Variants in ACTL6B observed in about 807,000 individuals in gnomAD.
ACTL6B encodes the protein actin-like protein 6B.
In ACTL6B, 48 loss-of-function variants were observed where a neutral mutation model predicts 63.3. The observed-to-expected ratio is 0.76, with a 90% CI of 0.60 to 0.96. ACTL6B has a LOEUF of 0.96. Among genes scored for constraint, ACTL6B ranks in the 50% least tolerant of loss-of-function variants. The pLI is 0.00. For synonymous variants in ACTL6B, 230 were observed against 223.8 expected, an observed-to-expected ratio of 1.03 and a Z score of -0.25; for missense variants, 350 against 572.2, an observed-to-expected ratio of 0.61 and a Z score of 3.96.
rs1443443394 is a variant in ACTL6B, at chr7:100,646,503, T to A, written c.1113+48A>T. On this transcript the variant is annotated intron_variant, in intron 12 of 13. Transcript: ENST00000160382. The surrounding 1 kb of genome is among the most constrained non-coding windows in gnomAD (Gnocchi z 6.1). The stretch of plus-strand genomic sequence containing the variant: ...ATGAAGGGACTCAGTCCTGGACAGC[T>A]GAGCCAGGACGGGTGTCCAGGGCTC... 1 of 1,593,248 alleles carries A rather than the reference T, an allele frequency of 6.3e-7. No individual in the cohort carries two copies. Among genetic ancestry groups the A allele is most frequent in the Non-Finnish European group, 8.6e-7 (1 of 1,161,310 alleles).
In ACTL6B at chr7:100,650,126, G is replaced by C. The variant is rs775223343; in HGVS notation, c.379C>G (p.Arg127Gly). 2 of 1,613,558 alleles carry C rather than the reference G, an allele frequency of 1.2e-6. No individual in the cohort carries two copies. Residue 127 changes from arginine (R) to glycine (G), a missense_variant, in exon 5 of 14, where the codon CGG becomes GGG. Physicochemically the swap from Arg to Gly is moderately radical, Grantham distance 125. Around this residue, in one of 3 missense-constraint regions of ACTL6B, gnomAD observed 250 missense variants for 364.7 expected, o/e 0.69. Transcript: ENST00000160382. ...TCTGTCAGCTTCTCCCGCTTGGCCCGTGTGTTCCACTGTGGAGAAAGTGCA... is the reference window on the plus strand; with the variant it reads ...TCTGTCAGCTTCTCCCGCTTGGCCCCTGTGTTCCACTGTGGAGAAAGTGCA... ...VLMSEAPWNT[R>G]AKREKLTELM...
chr7:100,656,223 C>T (rs1584472098), intron 1 of ACTL6B, 107 bp downstream of exon 1: 3 of 1,270,976 alleles, frequency 2.4e-6, no homozygotes, highest in Non-Finnish European at 3.0e-6. Flanking sequence ...TGAGACTCGA[C>T]CCGCTCGTGC....
intron 13 of ACTL6B, among the ~76,000 whole-genome samples, chr7:100,645,559 C>T (rs1358395487): frequency 6.6e-6 from 1 of 152,184 alleles, no homozygotes; most frequent in Non-Finnish European, 1.5e-5. Context: ...GGTCTCCCCT[C>T]TGCTGACTGA....
At chr7:100,644,567 C>G (rs1360581094) in intron 13 of ACTL6B, among the ~76,000 whole-genome samples, 1 of 152,160 alleles carries the variant, frequency 6.6e-6, no homozygotes, top group Non-Finnish European at 1.5e-5. Context: ...CCAACCTTGG[C>G]CTCCCAAGTA....
rs773907366 is a variant in ACTL6B at position 100,649,994 on chromosome 7, C to T, written c.467+44G>A. The T allele has an allele frequency of 3.2e-6, 5 of 1,581,460 alleles. No homozygotes were observed. The East Asian group carries it at 1.1e-4, about 36-fold the overall frequency. On this transcript the variant is annotated intron_variant, in intron 5 of 13. Transcript: ENST00000160382. ...ACAGCTGAGCTCAGCACAGGCCCCA[C>T]CCCAGCCCTCCACCCAGTCAGAGCA... is the stretch of plus-strand genomic sequence containing the variant.
In ACTL6B at chr7:100,654,935, T is replaced by G. The variant is rs1272079763; in HGVS notation, c.369+84A>C. On this transcript the variant is annotated intron_variant, in intron 4 of 13. Coordinates refer to ENST00000160382, the MANE Select transcript of ACTL6B (RefSeq NM_016188.5). Reference sequence around the variant, plus strand: ...AGGGAAGTGGCTCAGAGCAGTGGCTTGAGGGGAGAGGAGGAGAGGTGGATG... The same window carrying G: ...AGGGAAGTGGCTCAGAGCAGTGGCTGGAGGGGAGAGGAGGAGAGGTGGATG... 3.4e-6 allele frequency: 4 copies of G among 1,179,224 alleles called. No homozygotes were observed. The Admixed American group carries it at 5.9e-5, about 17-fold the overall frequency. The allele number at this position is 1,179,224 out of a possible 1,614,324, so 73.0% of individuals were successfully genotyped here. A position where few individuals can be genotyped will look rare whatever the true frequency, so the allele number is the denominator to read the frequency against.
chr7:100,646,764 A>T lies in ACTL6B; in HGVS notation c.1004T>A (p.Ile335Asn). Residue 335 changes from isoleucine to asparagine, a missense_variant, in exon 11 of 14, where the codon ATT becomes AAT. Physicochemically the swap from Ile to Asn is moderately radical, Grantham distance 149 (BLOSUM62 -3). Around this residue, in one of 3 missense-constraint regions of ACTL6B, gnomAD observed 76 missense variants for 126.1 expected, o/e 0.60. Coordinates refer to ENST00000160382, the MANE Select transcript of ACTL6B (RefSeq NM_016188.5). This position sits in a 1 kb window ranked among gnomAD's most constrained non-coding sequence, Gnocchi z 6.1. ...VVTTSIGMCD[I>N]DIRPGLYGSV... is the part of the protein sequence containing the mutation. ...GCCTGGCCTCACCGGGCGAATATCA[A>T]TGTCACACATGCCGATGCTGGTGGT... 6.2e-7 allele frequency: 1 copy of T among 1,613,676 alleles called. No homozygotes were observed. Among genetic ancestry groups the T allele is most frequent in the Non-Finnish European group, 8.5e-7 (1 of 1,179,986 alleles).
rs777213917 is a variant in ACTL6B, at chr7:100,647,202, A to G, written c.821+21T>C. ...CCGGTTCTGCCCTCTCTCCCACCCC[A>G]AAGCCCTGAGCCACACTCACTGTTC... On this transcript the variant is annotated intron_variant, in intron 9 of 13. Transcript: ENST00000160382. This position sits in a 1 kb window ranked among gnomAD's most constrained non-coding sequence, Gnocchi z 4.4. 1.6e-6 allele frequency: 2 copies of G among 1,271,954 alleles called. No homozygotes were observed. Among genetic ancestry groups the G allele is most frequent in the Non-Finnish European group, 2.1e-6 (2 of 948,938 alleles). The allele number at this position is 1,271,954 out of a possible 1,614,324, so 78.8% of individuals were successfully genotyped here.
At chr7:100,649,234 T>C (rs1446940142) in intron 5 of ACTL6B, among the ~76,000 whole-genome samples, 16 of 151,950 alleles carry the variant, frequency 1.1e-4, no homozygotes, top group African/African-American at 2.7e-4. Flanking sequence ...CCTCGTGATC[T>C]GCCCGCCTCG....
Position 100,646,399 on chromosome 7 carries a change from G to A in ACTL6B, c.1114-64C>T, listed in dbSNP as rs1803822622. On this transcript the variant is annotated intron_variant, in intron 12 of 13. Transcript: ENST00000160382. The surrounding 1 kb of genome is among the most constrained non-coding windows in gnomAD (Gnocchi z 6.1). ...GTTCTGGGAAGGGACAGGGCTTGGG[G>A]GAGAGGGGAAGACTTGGGAAGCCAC... 3 of 1,585,004 alleles carry A rather than the reference G, an allele frequency of 1.9e-6. No homozygotes were observed. In the East Asian group the frequency reaches 6.8e-5, roughly 36 times the overall value.
chr7:100,653,708 A>G (rs1562850551), intron 4 of ACTL6B, among the ~76,000 whole-genome samples: 1 of 152,104 alleles, frequency 6.6e-6, no homozygotes, highest in East Asian at 1.9e-4. Flanking sequence ...CAACAACAAC[A>G]AAACCCACTG....
chr7:100,649,986 A>G, intron 5 of ACTL6B, 52 bp downstream of exon 5: 1 of 1,544,088 alleles, frequency 6.5e-7, no homozygotes, highest in Non-Finnish European at 8.9e-7. Context: ...AGCTCAGCAC[A>G]GGCCCCACCC....
In ACTL6B at chr7:100,643,208, A is replaced by T. The variant is rs759699760; in HGVS notation, c.*38T>A. On this transcript the variant is annotated 3_prime_UTR_variant, in exon 14 of 14. Coordinates refer to ENST00000160382, the MANE Select transcript of ACTL6B (RefSeq NM_016188.5). ...GTGGCATGGGGGTTAAGGGACTTCCATCTGAGCTTGGGAGCAGGTGTGTGG... is the reference window on the plus strand; with the variant it reads ...GTGGCATGGGGGTTAAGGGACTTCCTTCTGAGCTTGGGAGCAGGTGTGTGG... The T allele has an allele frequency of 1.1e-4, 173 of 1,606,004 alleles. No individual in the cohort carries two copies. Among genetic ancestry groups the T allele is most frequent in the Non-Finnish European group, 1.4e-4 (170 of 1,173,204 alleles).
intron 13 of ACTL6B, 74 bp from the exon 14 acceptor site, chr7:100,643,400 G>A: frequency 6.5e-7 from 1 of 1,526,790 alleles, no homozygotes; most frequent in Non-Finnish European, 9.0e-7. Flanking sequence ...CAGCCCCTGG[G>A]AATCCTCCAA....
chr7:100,646,955 C>G lies in ACTL6B; in HGVS notation c.936+16G>C. Reference sequence around the variant, plus strand: ...TGCAGCCAGCACCCACCCCAGTCCTCGCCACACAGCCAAACCTTGACGTTC... The same window carrying G: ...TGCAGCCAGCACCCACCCCAGTCCTGGCCACACAGCCAAACCTTGACGTTC... On this transcript the variant is annotated intron_variant, in intron 10 of 13. Coordinates refer to ENST00000160382, the MANE Select transcript of ACTL6B (RefSeq NM_016188.5). The surrounding 1 kb of genome is among the most constrained non-coding windows in gnomAD (Gnocchi z 6.1). 1 of 1,613,154 alleles carries G rather than the reference C, an allele frequency of 6.2e-7. No homozygotes were observed. Among genetic ancestry groups the G allele is most frequent in the Non-Finnish European group, 8.5e-7 (1 of 1,179,384 alleles).
intron 5 of ACTL6B, among the ~76,000 whole-genome samples, chr7:100,649,310 G>A (rs1325298650): frequency 6.7e-6 from 1 of 149,018 alleles, no homozygotes; most frequent in African/African-American, 2.5e-5. Context: ...TACTTCTTTA[G>A]TTATTTTTTT....
chr7:100,646,694 C>T lies in ACTL6B; in HGVS notation c.1018-48G>A, dbSNP rs781281830. 26 of 1,613,186 alleles carry T rather than the reference C, an allele frequency of 1.6e-5. No individual in the cohort carries two copies. The highest frequency in any genetic ancestry group is 1.1e-4 in the South Asian group (10 of 91,072). ...AGCTGCGGGGGCAGCCCCCCAACCC[C>T]GTCTCCCCACTTCCCCTGGGCCCCT... On this transcript the variant is annotated intron_variant, in intron 11 of 13. Coordinates refer to ENST00000160382, the MANE Select transcript of ACTL6B (RefSeq NM_016188.5). The surrounding 1 kb of genome is among the most constrained non-coding windows in gnomAD (Gnocchi z 6.1).
rs1431929583 is a variant in ACTL6B, at chr7:100,648,741, C to T, written c.550G>A (p.Val184Ile). The change falls in exon 6 of 14, where the codon GTT becomes ATT. Residue 184 changes from valine (V) to isoleucine (I), a missense_variant. Transcript: ENST00000160382. This position sits in a 1 kb window ranked among gnomAD's most constrained non-coding sequence, Gnocchi z 4.4. The stretch of plus-strand genomic sequence containing the variant: ...GCCGAAGCCCCACCTTGCTGCAGAA[C>T]GTAGCCGTCATGTACTGGAATGGCC... Reference protein sequence around the residue: ...TTAIPVHDGYVLQQGIVKSPL... With the variant: ...TTAIPVHDGYILQQGIVKSPL... The T allele has an allele frequency of 4.3e-6, 7 of 1,614,010 alleles. No homozygotes were observed. The highest frequency in any genetic ancestry group is 2.7e-5 in the African/African-American group (2 of 74,936).
chr7:100,655,006 A>G lies in ACTL6B; in HGVS notation c.369+13T>C. The G allele has an allele frequency of 6.2e-7, 1 of 1,607,744 alleles. No homozygotes were observed. Among genetic ancestry groups the G allele is most frequent in the South Asian group, 1.1e-5 (1 of 90,854 alleles). ...AGATCAGGGTTGGACATGAGGATGG[A>G]GGAGGCACTCACCGGAGCCTCGGAC... On this transcript the variant is annotated intron_variant, in intron 4 of 13. Coordinates refer to ENST00000160382, the MANE Select transcript of ACTL6B (RefSeq NM_016188.5). The surrounding 1 kb of genome is among the most constrained non-coding windows in gnomAD (Gnocchi z 4.4).
Sources: allele counts gnomAD v4.1 joint callset (sites outside exome capture counted in the v4.1 genomes callset), GRCh38; gene constraint gnomAD v4.1.1; regional missense constraint gnomAD v4.1.1; non-coding constraint Gnocchi (gnomAD v3.1); transcripts MANE v1.5; gene names NCBI Gene and HGNC (gene_info 2026-07-23, HGNC 2026-07-21).